FER1L6: variants seen among roughly 807,000 people sequenced by gnomAD.
FER1L6 encodes the protein fer-1 like family member 6, also known as fer-1-like protein 6.
In FER1L6, 177 loss-of-function variants were observed where a neutral mutation model predicts 219.2. That is an observed-to-expected ratio of 0.81 (90% CI 0.71 to 0.91). The LOEUF is 0.91. FER1L6 is among the 40% of genes least tolerant of loss of function. FER1L6 has a pLI of 0.00. For synonymous variants in FER1L6, 768 were observed against 824.3 expected, an observed-to-expected ratio of 0.93 and a Z score of 1.17; for missense variants, 2,153 against 2,259.9, an observed-to-expected ratio of 0.95 and a Z score of 0.96.
At chr8:123,973,330 G>A in intron 6 of FER1L6, 104 bp from the exon 7 acceptor site, 1 of 879,372 alleles carries the variant, frequency 1.1e-6, no homozygotes, top group African/African-American at 1.7e-5. Context: ...GTGGTTTGAT[G>A]GCCAAACTCC....
intron 1 of FER1L6, among the ~76,000 whole-genome samples, chr8:123,904,037 G>A (rs1812906684): frequency 6.6e-6 from 1 of 152,170 alleles, no homozygotes; most frequent in African/African-American, 2.4e-5. Flanking sequence ...TTAAGGCATG[G>A]CACATGCATG....
chr8:123,853,663 T>C lies in FER1L6; in HGVS notation c.-8+1478T>C, dbSNP rs564671802. Among the ~76,000 whole-genome samples the C allele has an allele frequency of 3.2e-4, 48 of 152,166 alleles. No individual in the cohort carries two copies. Among genetic ancestry groups the C allele is most frequent in the African/African-American group, 1.0e-3 (43 of 41,510 alleles). Reference sequence around the variant, plus strand: ...CCACGGGCAAGCGTGGAGTAACATATTTTGAGAGAACCTATCCAAGTTGCA... The same window carrying C: ...CCACGGGCAAGCGTGGAGTAACATACTTTGAGAGAACCTATCCAAGTTGCA... On this transcript the variant is annotated intron_variant, in intron 1 of 40. Coordinates refer to ENST00000522917, the MANE Select transcript of FER1L6 (RefSeq NM_001039112.2). The surrounding 1 kb of genome is among the most constrained non-coding windows in gnomAD (Gnocchi z 6.6).
intron 28 of FER1L6, among the ~76,000 whole-genome samples, chr8:124,068,626 G>C (rs191169960): frequency 6.6e-6 from 1 of 152,344 alleles, no homozygotes; most frequent in East Asian, 1.9e-4. Flanking sequence ...GGATCTGACA[G>C]AGTGTGACTC....
chr8:124,105,984 AG>A (rs1822754388), intron 39 of FER1L6, among the ~76,000 whole-genome samples: 1 of 152,182 alleles, frequency 6.6e-6, no homozygotes, highest in Non-Finnish European at 1.5e-5. Context: ...AGTAGTTGCC[AG>A]GGACTGGGGT....
At chr8:124,035,593 T>C in intron 19 of FER1L6, 139 bp downstream of exon 19, 1 of 777,784 alleles carries the variant, frequency 1.3e-6, no homozygotes, top group Non-Finnish European at 2.0e-6. Context: ...TAAAGTACAG[T>C]TTCTAAGTGT....
At chr8:124,040,672 G>A (rs1472409711) in intron 20 of FER1L6, 1 of 153,130 alleles carries the variant, frequency 6.5e-6, no homozygotes, top group African/African-American at 2.4e-5. Context: ...TATCTGATGA[G>A]GGCCTTCTTG....
chr8:123,865,033 T>C (rs1816808293), intron 1 of FER1L6, among the ~76,000 whole-genome samples: 1 of 151,284 alleles, frequency 6.6e-6, no homozygotes, highest in Non-Finnish European at 1.5e-5. Context: ...AGGAGCTGCG[T>C]TCCTTTGGAG....
At chr8:124,013,124 G>C (rs1818018658) in intron 14 of FER1L6, among the ~76,000 whole-genome samples, 1 of 152,122 alleles carries the variant, frequency 6.6e-6, no homozygotes. Context: ...CACGTTATTA[G>C]GTTTCCCCAG....
intron 18 of FER1L6, among the ~76,000 whole-genome samples, chr8:124,026,452 A>G (rs1015024139): frequency 6.6e-6 from 1 of 152,162 alleles, no homozygotes; most frequent in Non-Finnish European, 1.5e-5. Context: ...TGACAGCATG[A>G]GAATGTAGTT....
chr8:124,036,544 G>C (rs186738518), intron 19 of FER1L6, among the ~76,000 whole-genome samples: 4 of 152,228 alleles, frequency 2.6e-5, no homozygotes, highest in South Asian at 2.1e-4. Flanking sequence ...GCTAGTAAAT[G>C]ATGGGGAAAA....
chr8:123,852,918 A>G lies in FER1L6; in HGVS notation c.-8+733A>G, dbSNP rs1816539638. Among the ~76,000 whole-genome samples, 1 of 152,208 alleles carries G rather than the reference A, an allele frequency of 6.6e-6. No homozygotes were observed. The highest frequency in any genetic ancestry group is 1.5e-5 in the Non-Finnish European group (1 of 68,032). ...GATGGATTTTGAGGCAAATGTAATC[A>G]TCCCTAAGGTTATATATCATATATC... On this transcript the variant is annotated intron_variant, in intron 1 of 40. Transcript: ENST00000522917. The surrounding 1 kb of genome is among the most constrained non-coding windows in gnomAD (Gnocchi z 4.9).
chr8:123,994,403 G>C (rs1817026388), intron 12 of FER1L6, among the ~76,000 whole-genome samples: 1 of 152,188 alleles, frequency 6.6e-6, no homozygotes, highest in Non-Finnish European at 1.5e-5. Context: ...CTTCAAGAAA[G>C]AGCACAGCTG....
In FER1L6 at chr8:123,990,199, C is replaced by T. The variant is rs147618184; in HGVS notation, c.1519+4023C>T. The stretch of plus-strand genomic sequence containing the variant: ...AGGAGAATGGTGTGAACCCAGGAGG[C>T]GGATCTTGCAGTAAGCCGAGATAGC... On this transcript the variant is annotated intron_variant, in intron 12 of 40. Coordinates refer to ENST00000522917, the MANE Select transcript of FER1L6 (RefSeq NM_001039112.2). 5.8e-3 allele frequency among the ~76,000 whole-genome samples: 877 copies of T among 152,218 alleles called. 8 individuals are homozygous for T. Among genetic ancestry groups the T allele is most frequent in the Middle Eastern group, 0.031 (9 of 294 alleles).
At chr8:124,077,625 G>A (rs554061622) in intron 32 of FER1L6, among the ~76,000 whole-genome samples, 7 of 152,232 alleles carry the variant, frequency 4.6e-5, no homozygotes, top group South Asian at 2.1e-4. Flanking sequence ...TGTGACAACC[G>A]CTTGGCAGGC....
chr8:124,107,919 A>G (rs1159012887), intron 39 of FER1L6, among the ~76,000 whole-genome samples: 1 of 152,234 alleles, frequency 6.6e-6, no homozygotes, highest in Admixed American at 6.5e-5. Flanking sequence ...AAGATCCCAC[A>G]GAGGATTTCC....
At chr8:123,891,683 G>A (rs968832712) in intron 1 of FER1L6, among the ~76,000 whole-genome samples, 6 of 152,152 alleles carry the variant, frequency 3.9e-5, no homozygotes, top group African/African-American at 1.4e-4. Flanking sequence ...AAATCCTTGT[G>A]CTGTTAAATT....
chr8:123,908,573 G>A (rs1812998153), intron 1 of FER1L6, among the ~76,000 whole-genome samples: 2 of 152,226 alleles, frequency 1.3e-5, no homozygotes, highest in Admixed American at 6.5e-5. Flanking sequence ...AAGTTTAACT[G>A]TTGATTGAAT....
At chr8:124,100,132 C>T (rs1001067345) in intron 37 of FER1L6, among the ~76,000 whole-genome samples, 1 of 152,206 alleles carries the variant, frequency 6.6e-6, no homozygotes, top group African/African-American at 2.4e-5. Context: ...GAAAGGCCTT[C>T]ACTCCCCTCC....
chr8:123,925,358 GA>G (rs778235792), intron 1 of FER1L6, among the ~76,000 whole-genome samples: 14 of 152,186 alleles, frequency 9.2e-5, no homozygotes, highest in Admixed American at 6.5e-4. Context: ...CAGGATAGAA[GA>G]AAATTTTGGC....
Sources: gnomAD v4.1 joint callset for allele counts (sites outside exome capture counted in the v4.1 genomes callset) on GRCh38, gnomAD v4.1.1 for gene constraint, Gnocchi (gnomAD v3.1) non-coding constraint, MANE v1.5 for transcripts, NCBI Gene and HGNC (gene_info 2026-07-23, HGNC 2026-07-21) for gene names.